The following WDR20 variants were observed in gnomAD, a reference collection of about 807,000 sequenced individuals.
WDR20 encodes the protein WD repeat-containing protein 20.
WDR20 carries 3 observed loss-of-function variants against 38.7 expected under a neutral mutation model. The observed-to-expected ratio is 0.08, with a 90% confidence interval of 0.04 to 0.20. The LOEUF (loss-of-function observed/expected upper bound fraction) is 0.20. WDR20 is among the 10% of genes least tolerant of loss of function. WDR20 has a pLI of 1.00. For missense variants in WDR20, 559 were observed against 727.7 expected (o/e 0.77, Z 2.67); for synonymous variants, 298 against 285.6 (o/e 1.04, Z -0.44).
chr14:102,141,882 CTAGCAATTATTAATG>C (rs1447824569), intron 1 of WDR20, among the ~76,000 whole-genome samples: 1 of 152,112 alleles, frequency 6.6e-6, no homozygotes, highest in Admixed American at 6.6e-5. Flanking sequence ...AATTCACTAA[CTAGCAATTATTAATG>C]TAGGAATTAC....
At chr14:102,219,369 G>A (rs771294316), downstream of WDR20, among the ~76,000 whole-genome samples, 5 of 152,218 alleles carry the variant, frequency 3.3e-5, no homozygotes, top group African/African-American at 7.2e-5. Flanking sequence ...CATGCAGGGC[G>A]CCGAGGCCCC....
At chr14:102,198,825 T>C (rs573658005) in intron 2 of WDR20, among the ~76,000 whole-genome samples, 3 of 152,100 alleles carry the variant, frequency 2.0e-5, no homozygotes, top group Non-Finnish European at 4.4e-5. Context: ...CTTGCTGTGT[T>C]GGGTGAGACT....
At chr14:102,143,822 C>T (rs1434962446) in intron 1 of WDR20, among the ~76,000 whole-genome samples, 4 of 151,792 alleles carry the variant, frequency 2.6e-5, no homozygotes, top group African/African-American at 7.2e-5. Flanking sequence ...GGATTACAGG[C>T]GTGAGCCACT....
intron 1 of WDR20, among the ~76,000 whole-genome samples, chr14:102,146,274 C>T (rs1404393259): frequency 6.6e-6 from 1 of 152,110 alleles, no homozygotes; most frequent in African/African-American, 2.4e-5. Flanking sequence ...AAGCGATTCT[C>T]CTGCCTCAGC....
At chr14:102,188,233 C>T (rs951528034) in intron 1 of WDR20, among the ~76,000 whole-genome samples, 21 of 152,162 alleles carry the variant, frequency 1.4e-4, no homozygotes, top group Admixed American at 1.2e-3. Context: ...CTTTACCAGG[C>T]CTATGTGATG....
At chr14:102,196,100 T>C (rs1567002748) in intron 2 of WDR20, among the ~76,000 whole-genome samples, 1 of 152,232 alleles carries the variant, frequency 6.6e-6, no homozygotes, top group Non-Finnish European at 1.5e-5. Context: ...AAAATTCAAA[T>C]TGACAAATGG....
At chr14:102,210,998 C>T (rs1447509898), downstream of WDR20, among the ~76,000 whole-genome samples, 8 of 152,316 alleles carry the variant, frequency 5.3e-5, no homozygotes, top group African/African-American at 1.9e-4. Flanking sequence ...TGGCTCCCAC[C>T]CTAGCGCCTC....
chr14:102,174,237 C>A (rs143812548), intron 1 of WDR20, among the ~76,000 whole-genome samples: 6,431 of 152,020 alleles, frequency 0.042, 174 homozygotes, highest in Middle Eastern at 0.065. Flanking sequence ...GTAATGACTT[C>A]TTTTCCTCTG....
At chr14:102,202,696 T>C (rs1048939233) in intron 2 of WDR20, among the ~76,000 whole-genome samples, 2 of 152,032 alleles carry the variant, frequency 1.3e-5, no homozygotes, top group East Asian at 1.9e-4. Flanking sequence ...GAGGTTTTTT[T>C]CAGAGTTTCA....
downstream of WDR20, among the ~76,000 whole-genome samples, chr14:102,224,036 G>GTTTTTT (rs1184725386): frequency 3.6e-5 from 5 of 139,512 alleles, 1 homozygote; most frequent in African/African-American, 1.1e-4. Context: ...GTTTACCTGA[G>GTTTTTT]ATTTTTTTTT....
At chr14:102,146,959 G>A (rs148389183) in intron 1 of WDR20, among the ~76,000 whole-genome samples, 1 of 152,282 alleles carries the variant, frequency 6.6e-6, no homozygotes, top group East Asian at 1.9e-4. Flanking sequence ...TCCATTAAGG[G>A]CTATTTGCTG....
chr14:102,213,849 G>A, downstream of WDR20: 1 of 985,476 alleles, frequency 1.0e-6, no homozygotes, highest in Non-Finnish European at 1.2e-6. Context: ...GGGGTTGGGG[G>A]CGGCTGGAGA....
At chr14:102,191,818 C>T (rs1474419391) in intron 1 of WDR20, among the ~76,000 whole-genome samples, 1 of 152,092 alleles carries the variant, frequency 6.6e-6, no homozygotes, top group Non-Finnish European at 1.5e-5. Flanking sequence ...GCCAGGTCTA[C>T]TTTTGTGTCT....
At chr14:102,224,461 A>ATGTT (rs1343576083), downstream of WDR20, 2 of 407,060 alleles carry the variant, frequency 4.9e-6, no homozygotes, top group South Asian at 3.7e-5. Flanking sequence ...AAGCAGAAGA[A>ATGTT]TGTTTATTTA....
Position 102,222,808 on chromosome 14 carries a change from A to G in WDR20, c.1693-22A>G. The G allele has an allele frequency of 6.2e-7, 1 of 1,614,126 alleles. No homozygotes were observed. Among genetic ancestry groups the G allele is most frequent in the Non-Finnish European group, 8.5e-7 (1 of 1,179,974 alleles). On this transcript the variant is annotated intron_variant, in intron 3 of 3. Transcript: ENST00000335263. This position sits in a 1 kb window ranked among gnomAD's most constrained non-coding sequence, Gnocchi z 4.4. ...GCCCGTCCGGTGTTTTGCTGGATTA[A>G]TGTAGACTGCTTTGTTTGCAGGGCT...
chr14:102,170,572 C>T (rs2060602285), intron 1 of WDR20, among the ~76,000 whole-genome samples: 1 of 151,700 alleles, frequency 6.6e-6, no homozygotes, highest in Admixed American at 6.6e-5. Flanking sequence ...TCTGTATTTT[C>T]TATGAGTTGT....
At chr14:102,214,355 G>A (rs2062945833), downstream of WDR20, 3 of 985,342 alleles carry the variant, frequency 3.0e-6, no homozygotes, top group African/African-American at 5.2e-5. Context: ...GTCCCAAAGG[G>A]AGGAGACATT....
intron 1 of WDR20, among the ~76,000 whole-genome samples, chr14:102,158,985 C>T (rs1291501078): frequency 2.0e-5 from 3 of 151,942 alleles, no homozygotes; most frequent in Non-Finnish European, 2.9e-5. Flanking sequence ...CTCAGTCACC[C>T]AGACTGTAGT....
At chr14:102,177,094 A>G (rs2152856736) in intron 1 of WDR20, among the ~76,000 whole-genome samples, 1 of 152,292 alleles carries the variant, frequency 6.6e-6, no homozygotes, top group East Asian at 1.9e-4. Context: ...TTTACTGATG[A>G]CATCAAATCC....
Sources: allele counts gnomAD v4.1 joint callset (sites outside exome capture counted in the v4.1 genomes callset), GRCh38; gene constraint gnomAD v4.1.1; non-coding constraint Gnocchi (gnomAD v3.1); transcripts MANE v1.5; gene names NCBI Gene and HGNC (gene_info 2026-07-23, HGNC 2026-07-21).